The following GUCY1A2 variants were observed in gnomAD, a reference collection of about 807,000 sequenced individuals.
GUCY1A2 encodes guanylate cyclase 1 soluble subunit alpha 2.
In GUCY1A2, 27 loss-of-function variants were observed where a neutral mutation model predicts 63.5. The ratio of observed to expected loss-of-function variants is 0.43; its 90% CI spans 0.31 to 0.59. The LOEUF (loss-of-function observed/expected upper bound fraction) is 0.59. Ranked by LOEUF, GUCY1A2 falls within the 20% of genes least tolerant of loss-of-function variation. The pLI, the probability that GUCY1A2 is intolerant of heterozygous loss-of-function variation, is 0.11. For synonymous variants in GUCY1A2, 364 were observed against 343.5 expected (o/e 1.06, Z -0.66); for missense variants, 768 against 913.3 (o/e 0.84, Z 2.05).
At chr11:106,761,224 T>G (rs1301546165) in intron 6 of GUCY1A2, among the ~76,000 whole-genome samples, 1 of 152,222 alleles carries the variant, frequency 6.6e-6, no homozygotes, top group Non-Finnish European at 1.5e-5. Context: ...TTTTGATATC[T>G]TTTTATCATG....
intron 4 of GUCY1A2, among the ~76,000 whole-genome samples, chr11:106,857,165 C>A (rs531277840): frequency 3.9e-5 from 6 of 152,280 alleles, no homozygotes; most frequent in South Asian, 4.1e-4. Context: ...ATGGCTTAAA[C>A]AGCATTTATT....
In GUCY1A2 at chr11:106,683,504, C is replaced by G; in HGVS notation, c.*4045G>C. On this transcript the variant is annotated 3_prime_UTR_variant, in exon 8 of 8. Transcript: ENST00000526355. ...GCACATCCAGTTCATTACTACACTT[C>G]AGAAGTACATTGTTGCTCAGGCCTG... 1 of 228,540 alleles carries G rather than the reference C, an allele frequency of 4.4e-6. No homozygotes were observed. The highest frequency in any genetic ancestry group is 8.7e-6 in the Non-Finnish European group (1 of 115,020). The allele number at this position is 228,540 out of a possible 1,614,324, so 14.2% of individuals were successfully genotyped here.
chr11:106,705,510 CAT>C (rs1253777818), intron 7 of GUCY1A2, among the ~76,000 whole-genome samples: 1 of 152,132 alleles, frequency 6.6e-6, no homozygotes, highest in Admixed American at 6.5e-5. Flanking sequence ...AAAATTAAAA[CAT>C]GTAAAATAAA....
intron 6 of GUCY1A2, among the ~76,000 whole-genome samples, chr11:106,709,333 A>AATAT (rs77239725): frequency 2.1e-5 from 2 of 96,474 alleles, no homozygotes; most frequent in Admixed American, 1.6e-4. Flanking sequence ...ATATTATATA[A>AATAT]ATATATATAA....
intron 4 of GUCY1A2, among the ~76,000 whole-genome samples, chr11:106,879,757 C>T (rs925706686): frequency 3.9e-5 from 6 of 152,018 alleles, no homozygotes; most frequent in African/African-American, 1.4e-4. Context: ...CATCAGTATG[C>T]CCTCCAATCA....
At chr11:106,712,495 C>T (rs1374751697) in intron 6 of GUCY1A2, among the ~76,000 whole-genome samples, 1 of 152,092 alleles carries the variant, frequency 6.6e-6, no homozygotes. Flanking sequence ...TAATTTTTCT[C>T]TTCATTATGA....
intron 4 of GUCY1A2, among the ~76,000 whole-genome samples, chr11:106,905,730 G>A (rs1316875231): frequency 6.6e-6 from 1 of 152,114 alleles, no homozygotes; most frequent in African/African-American, 2.4e-5. Context: ...TCACATGTCT[G>A]AGATAAGAAC....
chr11:106,712,948 G>A (rs1204433799), intron 6 of GUCY1A2, among the ~76,000 whole-genome samples: 5 of 152,098 alleles, frequency 3.3e-5, no homozygotes, highest in Non-Finnish European at 1.5e-5. Context: ...ACATAATGAG[G>A]ATCCTTGGAA....
At chr11:106,817,329 A>G (rs1213360777) in intron 4 of GUCY1A2, among the ~76,000 whole-genome samples, 1 of 152,086 alleles carries the variant, frequency 6.6e-6, no homozygotes, top group East Asian at 1.9e-4. Context: ...TATTTGCACT[A>G]GGACCTCCAG....
intron 4 of GUCY1A2, among the ~76,000 whole-genome samples, chr11:106,814,386 T>C (rs2135426452): frequency 6.6e-6 from 1 of 152,204 alleles, no homozygotes; most frequent in African/African-American, 2.4e-5. Flanking sequence ...ACATTTGCTT[T>C]CAAAGAACTA....
chr11:106,694,551 A>G (rs758312970), intron 7 of GUCY1A2, among the ~76,000 whole-genome samples: 6 of 152,194 alleles, frequency 3.9e-5, no homozygotes, highest in Non-Finnish European at 7.3e-5. Context: ...AACAGTGACT[A>G]TTGATATTGG....
chr11:106,952,362 A>G (rs1324938944), intron 3 of GUCY1A2, among the ~76,000 whole-genome samples: 1 of 152,200 alleles, frequency 6.6e-6, no homozygotes, highest in Admixed American at 6.5e-5. Flanking sequence ...GATTCTTCCT[A>G]TCCACGAGGA....
chr11:106,827,099 T>G (rs1467065192), intron 4 of GUCY1A2: 51 of 1,485,608 alleles, frequency 3.4e-5, no homozygotes, highest in Non-Finnish European at 4.4e-5. Context: ...TGAAGGTAGA[T>G]TTTCTTTACT....
intron 1 of GUCY1A2, among the ~76,000 whole-genome samples, chr11:107,003,375 T>C (rs1196828776): frequency 6.6e-6 from 1 of 152,088 alleles, no homozygotes; most frequent in African/African-American, 2.4e-5. Context: ...TCACCTCCCA[T>C]CCTACAAACA....
At chr11:106,716,357 T>A (rs1441347081) in intron 6 of GUCY1A2, among the ~76,000 whole-genome samples, 1 of 152,150 alleles carries the variant, frequency 6.6e-6, no homozygotes, top group African/African-American at 2.4e-5. Context: ...GACCACTAGA[T>A]GCCAGTTGTA....
At chr11:106,816,593 A>G (rs1858835299) in intron 4 of GUCY1A2, among the ~76,000 whole-genome samples, 1 of 151,546 alleles carries the variant, frequency 6.6e-6, no homozygotes, top group South Asian at 2.1e-4. Flanking sequence ...AAGGGAGGAA[A>G]CAAAAACCAT....
intron 4 of GUCY1A2, among the ~76,000 whole-genome samples, chr11:106,923,878 G>A (rs1860482929): frequency 6.6e-6 from 1 of 151,954 alleles, no homozygotes; most frequent in Non-Finnish European, 1.5e-5. Context: ...TTTTCGTGGG[G>A]TAAAAACTGA....
At chr11:106,746,580 G>T in intron 6 of GUCY1A2, 1 of 1,595,844 alleles carries the variant, frequency 6.3e-7, no homozygotes. Flanking sequence ...GTTTCACTTT[G>T]ATGCTGATCT....
At chr11:106,724,967 AAAG>A (rs1863379367) in intron 6 of GUCY1A2, among the ~76,000 whole-genome samples, 1 of 152,176 alleles carries the variant, frequency 6.6e-6, no homozygotes, top group Non-Finnish European at 1.5e-5. Context: ...TGTTTATTAA[AAAG>A]AAGCCTGCAA....
Sources: allele counts gnomAD v4.1 joint callset (sites outside exome capture counted in the v4.1 genomes callset), GRCh38; gene constraint gnomAD v4.1.1; transcripts MANE v1.5; gene names NCBI Gene and HGNC (gene_info 2026-07-23, HGNC 2026-07-21).